The following ENOX1 variants were observed in gnomAD, a reference collection of about 807,000 sequenced individuals.
ENOX1 encodes the protein candidate growth-related and time keeping constitutive hydroquinone (NADH) oxidase.
In ENOX1, 42 loss-of-function variants were observed where a neutral mutation model predicts 82.5. The observed-to-expected ratio is 0.51, with a 90% CI of 0.40 to 0.66. The LOEUF is 0.66. Ranked by LOEUF, ENOX1 falls within the 30% of genes least tolerant of loss-of-function variation. The pLI is 0.00. For missense variants in ENOX1, 608 were observed against 811.6 expected (o/e 0.75, Z 3.05); for synonymous variants, 271 against 282.2 (o/e 0.96, Z 0.40).
chr13:43,390,689 C>T (rs1263121236), intron 5 of ENOX1, among the ~76,000 whole-genome samples: 1 of 152,100 alleles, frequency 6.6e-6, no homozygotes, highest in Non-Finnish European at 1.5e-5. Context: ...CTGTCATATC[C>T]TAATTGTCTT....
At chr13:43,768,260 C>T (rs1305349034) in intron 1 of ENOX1, among the ~76,000 whole-genome samples, 1 of 152,092 alleles carries the variant, frequency 6.6e-6, no homozygotes, top group Non-Finnish European at 1.5e-5. Flanking sequence ...CAGACATCTC[C>T]AAATCTTCAC....
chr13:43,754,400 T>C (rs1166810813), intron 1 of ENOX1, among the ~76,000 whole-genome samples: 1 of 149,256 alleles, frequency 6.7e-6, no homozygotes, highest in East Asian at 2.0e-4. Flanking sequence ...TGGTGTGATC[T>C]CGGCTCACTG....
Position 43,402,204 on chromosome 13 carries a change from A to G in ENOX1, c.208+9712T>C, listed in dbSNP as rs113810223. On this transcript the variant is annotated intron_variant, in intron 5 of 16. Coordinates refer to ENST00000690772, the MANE Select transcript of ENOX1 (RefSeq NM_001347969.2). ...CATGATAAAGAAAGACAGGGAAGAT[A>G]CATTTTTAAAAAAGAAGGAATCTGA... is the stretch of plus-strand genomic sequence containing the variant. Among the ~76,000 whole-genome samples, 109 of 152,338 alleles carry G rather than the reference A, an allele frequency of 7.2e-4. 2 individuals carry two copies. The highest frequency in any genetic ancestry group is 2.3e-3 in the African/African-American group (97 of 41,592).
chr13:43,520,812 G>C (rs2077736433), intron 2 of ENOX1, among the ~76,000 whole-genome samples: 1 of 152,206 alleles, frequency 6.6e-6, no homozygotes, highest in African/African-American at 2.4e-5. Context: ...CAGTGAGCAA[G>C]AAGAGGCCGG....
At chr13:43,754,690 T>A (rs757894132) in intron 1 of ENOX1, among the ~76,000 whole-genome samples, 34 of 151,838 alleles carry the variant, frequency 2.2e-4, no homozygotes, top group Non-Finnish European at 3.7e-4. Context: ...GCTCAATAGA[T>A]CTTCTTGCCT....
At chr13:43,549,508 T>C (rs953177113) in intron 2 of ENOX1, among the ~76,000 whole-genome samples, 2 of 152,246 alleles carry the variant, frequency 1.3e-5, no homozygotes, top group African/African-American at 2.4e-5. Context: ...TTTCAGTTCA[T>C]CTTCTGACTT....
At chr13:43,428,338 A>T (rs1036900928) in intron 3 of ENOX1, among the ~76,000 whole-genome samples, 2 of 152,150 alleles carry the variant, frequency 1.3e-5, no homozygotes, top group African/African-American at 4.8e-5. Flanking sequence ...ACTCAGTCCA[A>T]ATATATATAT....
chr13:43,502,758 G>T (rs192959356), intron 2 of ENOX1, among the ~76,000 whole-genome samples: 4 of 151,474 alleles, frequency 2.6e-5, no homozygotes, highest in Non-Finnish European at 4.4e-5. Context: ...CACACTCAAC[G>T]GTGAAAAACT....
At chr13:43,762,893 G>A (rs140849278) in intron 1 of ENOX1, among the ~76,000 whole-genome samples, 6 of 152,256 alleles carry the variant, frequency 3.9e-5, no homozygotes, top group East Asian at 3.9e-4. Flanking sequence ...GATTCAATCC[G>A]TTCTCAATTA....
chr13:43,510,225 T>C (rs1214157170), intron 2 of ENOX1, among the ~76,000 whole-genome samples: 3 of 152,084 alleles, frequency 2.0e-5, no homozygotes, highest in South Asian at 4.1e-4. Context: ...CCTTCTAGAA[T>C]TGGTAACAGA....
At chr13:43,559,803 C>T (rs191412110) in intron 2 of ENOX1, among the ~76,000 whole-genome samples, 61 of 152,100 alleles carry the variant, frequency 4.0e-4, no homozygotes, top group Admixed American at 9.8e-4. Context: ...GCATGGACCT[C>T]GAGGAAAAAA....
chr13:43,641,575 G>A (rs559160608), intron 2 of ENOX1, among the ~76,000 whole-genome samples: 65 of 107,786 alleles, frequency 6.0e-4, no homozygotes, highest in Non-Finnish European at 8.2e-4. Flanking sequence ...TCACTCTGTC[G>A]CCCAGGCTGG....
At chr13:43,690,984 T>C (rs2153803628) in intron 1 of ENOX1, among the ~76,000 whole-genome samples, 2 of 152,300 alleles carry the variant, frequency 1.3e-5, no homozygotes, top group East Asian at 3.9e-4. Flanking sequence ...AGTATGTGAA[T>C]GCAAAATTCA....
At chr13:43,686,961 A>C (rs2086108297) in intron 1 of ENOX1, among the ~76,000 whole-genome samples, 1 of 151,628 alleles carries the variant, frequency 6.6e-6, no homozygotes, top group Non-Finnish European at 1.5e-5. Context: ...GCACAAGAGA[A>C]GTGAACTTTA....
intron 14 of ENOX1, among the ~76,000 whole-genome samples, chr13:43,256,425 G>A (rs759988406): frequency 1.3e-5 from 2 of 152,102 alleles, no homozygotes; most frequent in Admixed American, 6.6e-5. Context: ...ATTAAGAACC[G>A]TAATATAAGG....
intron 16 of ENOX1, among the ~76,000 whole-genome samples, chr13:43,214,837 A>G (rs2041384091): frequency 6.6e-6 from 1 of 152,170 alleles, no homozygotes; most frequent in African/African-American, 2.4e-5. Flanking sequence ...ATGCCAATCC[A>G]TGTGTATGCA....
intron 5 of ENOX1, among the ~76,000 whole-genome samples, chr13:43,391,506 G>T (rs752861578): frequency 7.2e-5 from 11 of 152,132 alleles, no homozygotes; most frequent in Non-Finnish European, 1.5e-4. Flanking sequence ...AACCCGGGAA[G>T]TACCAATCTG....
intron 1 of ENOX1, among the ~76,000 whole-genome samples, chr13:43,691,578 C>T (rs115078819): frequency 1.3e-5 from 2 of 152,048 alleles, no homozygotes; most frequent in Non-Finnish European, 2.9e-5. Flanking sequence ...ACCTAAGAGA[C>T]TTTCACACTC....
intron 3 of ENOX1, among the ~76,000 whole-genome samples, chr13:43,415,958 G>A (rs1281976536): frequency 2.1e-5 from 3 of 145,162 alleles, no homozygotes; most frequent in Non-Finnish European, 3.0e-5. Flanking sequence ...GGACAGAAGC[G>A]CTCCTCACAC....
Sources: allele counts gnomAD v4.1 joint callset (sites outside exome capture counted in the v4.1 genomes callset), GRCh38; gene constraint gnomAD v4.1.1; transcripts MANE v1.5; gene names NCBI Gene and HGNC (gene_info 2026-07-23, HGNC 2026-07-21).